Variants in ANKRD45 observed in about 807,000 individuals in gnomAD.
ANKRD45 encodes ankyrin repeat domain-containing protein 45.
A neutral mutation model predicts 28.1 loss-of-function variants in ANKRD45; 21 were observed. That is an observed-to-expected ratio of 0.75 (90% confidence interval 0.53 to 1.08). The LOEUF (loss-of-function observed/expected upper bound fraction) is 1.08, where lower values mean the gene tolerates loss of function less well. Among genes scored for constraint, ANKRD45 ranks in the 50% least tolerant of loss-of-function variants. The pLI is 0.00. For synonymous variants in ANKRD45, 86 were observed against 103.9 expected, an observed-to-expected ratio of 0.83 and a Z score of 1.05; for missense variants, 261 against 308.7, an observed-to-expected ratio of 0.85 and a Z score of 1.16.
chr1:173,608,907 GAGGAAGGGAGGGGAAGGGA>G lies in ANKRD45; in HGVS notation c.*1219_*1237del, dbSNP rs1558110516. On this transcript the variant is annotated 3_prime_UTR_variant, in exon 6 of 6. Transcript: ENST00000333279. ...AGGGAGGGGAGGGGAGAGGAAGGGA[GAGGAAGGGAGGGGAAGGGA>G]GGGGAAGGGAGGGGAAGGGAGAGGA... is the stretch of plus-strand genomic sequence containing the variant. 3.9e-4 allele frequency among the ~76,000 whole-genome samples: 29 copies of G among 74,508 alleles called. No individual in the cohort carries two copies. Among genetic ancestry groups the G allele is most frequent in the African/African-American group, 3.1e-3 (26 of 8,318 alleles). 48.9% of individuals were successfully genotyped at this position (74,508 alleles called of 152,430 possible). A position where few individuals can be genotyped will look rare whatever the true frequency, so the allele number is the denominator to read the frequency against.
chr1:173,610,077 T>G lies in ANKRD45; in HGVS notation c.*68A>C. The G allele has an allele frequency of 6.8e-7, 1 of 1,462,440 alleles. No individual in the cohort carries two copies. Among genetic ancestry groups the G allele is most frequent in the Non-Finnish European group, 9.5e-7 (1 of 1,052,972 alleles). 90.6% of individuals were successfully genotyped at this position (1,462,440 alleles called of 1,614,324 possible). A position where few individuals can be genotyped will look rare whatever the true frequency, so the allele number is the denominator to read the frequency against. ...GAAACCCACATCTGTTTTCTCGATT[T>G]CAAATGGCATGAATAGGTTTGCCTT... On this transcript the variant is annotated 3_prime_UTR_variant, in exon 6 of 6. Coordinates refer to ENST00000333279, the MANE Select transcript of ANKRD45 (RefSeq NM_198493.3).
At chr1:173,693,810 A>G in the ANKRD45 span, among the ~76,000 whole-genome samples, 6 of 152,162 alleles carry the variant, frequency 3.9e-5, no homozygotes, top group Non-Finnish European at 8.8e-5. Flanking sequence ...ATTTCTTCTG[A>G]TTACTGGTCT....
intron 2 of ANKRD45, among the ~76,000 whole-genome samples, chr1:173,651,834 C>T (rs554537295): frequency 7.9e-5 from 12 of 152,062 alleles, no homozygotes; most frequent in Admixed American, 2.0e-4. Flanking sequence ...TGGATTCCTA[C>T]GTATTTTATT....
chr1:173,663,518 T>C (rs1313130047), intron 1 of ANKRD45, among the ~76,000 whole-genome samples: 4 of 151,990 alleles, frequency 2.6e-5, no homozygotes, highest in African/African-American at 4.8e-5. Flanking sequence ...AACCCCACCC[T>C]CTTTTCTTTT....
chr1:173,671,262 T>A (rs533884025), upstream of ANKRD45, among the ~76,000 whole-genome samples: 10 of 152,270 alleles, frequency 6.6e-5, no homozygotes, highest in Admixed American at 6.5e-4. Context: ...TTGTCACATC[T>A]GCAAGGGAGC....
intron 3 of ANKRD45, among the ~76,000 whole-genome samples, chr1:173,633,500 AT>A (rs944985015): frequency 1.3e-5 from 2 of 152,048 alleles, no homozygotes; most frequent in African/African-American, 2.4e-5. Flanking sequence ...CAATACTAAA[AT>A]TTTTATGGAA....
intron 4 of ANKRD45, 133 bp downstream of exon 4, chr1:173,626,932 G>GGAAAAAAAAAA: frequency 1.7e-6 from 1 of 599,418 alleles, no homozygotes; most frequent in Non-Finnish European, 2.9e-6. Flanking sequence ...AGGTAGGAGG[G>GGAAAAAAAAAA]AAGAAGGAAA....
chr1:173,639,899 C>A lies in ANKRD45; in HGVS notation c.496+6947G>T, dbSNP rs575942310. ...GAGAATATTGACTCAGACAATGGAA[C>A]CTATCTCACAGCCCATGTCATTAAG... is the stretch of plus-strand genomic sequence containing the variant. On this transcript the variant is annotated intron_variant, in intron 3 of 5. Coordinates refer to ENST00000333279, the MANE Select transcript of ANKRD45 (RefSeq NM_198493.3). 2.0e-5 allele frequency among the ~76,000 whole-genome samples: 3 copies of A among 152,284 alleles called. No individual in the cohort carries two copies. In the East Asian group the frequency reaches 5.8e-4, roughly 29 times the overall value.
At chr1:173,682,797 G>A in the ANKRD45 span, among the ~76,000 whole-genome samples, 3 of 150,664 alleles carry the variant, frequency 2.0e-5, no homozygotes, top group East Asian at 3.9e-4. Flanking sequence ...TTTAAATCTC[G>A]TTACCATATT....
At chr1:173,649,265 A>G (rs1270598002) in intron 2 of ANKRD45, among the ~76,000 whole-genome samples, 1 of 152,166 alleles carries the variant, frequency 6.6e-6, no homozygotes, top group East Asian at 1.9e-4. Context: ...ATCATCAGGT[A>G]TGTCCATGAA....
the ANKRD45 span, among the ~76,000 whole-genome samples, chr1:173,708,662 G>A: frequency 3.3e-5 from 5 of 152,186 alleles, no homozygotes; most frequent in African/African-American, 9.7e-5. Flanking sequence ...ATGAAATTGA[G>A]TCAACTTATC....
At chr1:173,657,668 A>C (rs1669603904) in intron 2 of ANKRD45, 2 of 103,374 alleles carry the variant, frequency 1.9e-5, no homozygotes, top group African/African-American at 6.9e-5. Context: ...TTATCATGTC[A>C]CCCAGGCTGT....
chr1:173,686,506 T>C, the ANKRD45 span, among the ~76,000 whole-genome samples: 78 of 152,136 alleles, frequency 5.1e-4, 2 homozygotes, highest in Admixed American at 1.5e-3. Flanking sequence ...GTTTTCCTTC[T>C]TTCCACCCTT....
the ANKRD45 span, among the ~76,000 whole-genome samples, chr1:173,674,885 A>G: frequency 2.0e-5 from 3 of 152,294 alleles, no homozygotes; most frequent in Admixed American, 2.0e-4. Context: ...TGGAGAAAGC[A>G]TATTAAAAGA....
At chr1:173,636,172 T>C (rs1263625801) in intron 3 of ANKRD45, among the ~76,000 whole-genome samples, 6 of 152,156 alleles carry the variant, frequency 3.9e-5, no homozygotes, top group Non-Finnish European at 1.5e-5. Flanking sequence ...ATTTGCTCTA[T>C]CTCAGTTGCC....
At chr1:173,637,016 G>C (rs990682613) in intron 3 of ANKRD45, 13 of 1,529,898 alleles carry the variant, frequency 8.5e-6, no homozygotes, top group East Asian at 7.3e-5. Context: ...GAGTAAAGAA[G>C]AAGGAGCCAG....
At chr1:173,664,048 C>T (rs1669903166) in intron 1 of ANKRD45, among the ~76,000 whole-genome samples, 1 of 152,110 alleles carries the variant, frequency 6.6e-6, no homozygotes, top group Admixed American at 6.6e-5. Context: ...ACTAAACTGA[C>T]TGTATGACCC....
intron 4 of ANKRD45, among the ~76,000 whole-genome samples, chr1:173,626,267 T>C (rs990897874): frequency 3.3e-5 from 5 of 152,192 alleles, no homozygotes; most frequent in Non-Finnish European, 5.9e-5. Flanking sequence ...TGAAATAATT[T>C]AAAACCAAAA....
chr1:173,629,239 G>T (rs1042487866), intron 3 of ANKRD45, among the ~76,000 whole-genome samples: 8 of 152,180 alleles, frequency 5.3e-5, no homozygotes, highest in African/African-American at 1.9e-4. Flanking sequence ...TCAATGCCCA[G>T]ATGCCAGTGG....
Sources: allele counts gnomAD v4.1 joint callset (sites outside exome capture counted in the v4.1 genomes callset), GRCh38; gene constraint gnomAD v4.1.1; transcripts MANE v1.5; gene names NCBI Gene and HGNC (gene_info 2026-07-23, HGNC 2026-07-21).